The following SDHA variants were observed in gnomAD, a reference collection of about 807,000 sequenced individuals.
The protein encoded by SDHA is succinate dehydrogenase complex flavoprotein subunit A, also known as succinate dehydrogenase [ubiquinone] flavoprotein subunit, mitochondrial.
A neutral mutation model predicts 78.4 loss-of-function variants in SDHA; 48 were observed. The observed-to-expected ratio is 0.61, with a 90% CI of 0.49 to 0.78. The LOEUF (loss-of-function observed/expected upper bound fraction) is 0.78. Ranked by LOEUF, SDHA falls within the 30% of genes least tolerant of loss-of-function variation. SDHA has a pLI of 0.00. For missense variants in SDHA, 680 were observed against 892.7 expected (o/e 0.76, Z 3.04); for synonymous variants, 326 against 353.9 (o/e 0.92, Z 0.88).
At chr5:258,295 C>G (rs1356000737), downstream of SDHA, among the ~76,000 whole-genome samples, 1 of 125,662 alleles carries the variant, frequency 8.0e-6, no homozygotes, top group Non-Finnish European at 1.6e-5. Flanking sequence ...GAGCTCCGCC[C>G]CCTGCCAGAG....
At chr5:251,859 C>T (rs1223135025) in intron 13 of SDHA, 8 of 405,320 alleles carry the variant, frequency 2.0e-5, no homozygotes, top group East Asian at 7.2e-5. Context: ...AGTAAGCCAC[C>T]GTTTCAAACC....
chr5:255,095 A>G (rs1262827506), intron 14 of SDHA, among the ~76,000 whole-genome samples: 1 of 121,220 alleles, frequency 8.2e-6, no homozygotes, highest in Non-Finnish European at 1.6e-5. Context: ...CTTTTTCCAC[A>G]CACGGTGAGC....
intron 1 of SDHA, among the ~76,000 whole-genome samples, chr5:218,884 G>A (rs1734545573): frequency 6.6e-6 from 1 of 152,190 alleles, no homozygotes; most frequent in East Asian, 1.9e-4. Flanking sequence ...GCAGCCCGTG[G>A]GTGGGGCCGG....
At chr5:228,390 A>T (rs771874095) in intron 6 of SDHA, 57 bp downstream of exon 6, 1 of 1,536,150 alleles carries the variant, frequency 6.5e-7, no homozygotes, top group Non-Finnish European at 8.9e-7. Flanking sequence ...TTTCATTTAG[A>T]GTTTCTTTAT....
At position 235,357 on chromosome 5, in the gene SDHA, T is replaced by C. The variant is rs758272813; in HGVS notation, c.1260+18T>C. 6.2e-7 allele frequency: 1 copy of C among 1,613,248 alleles called. No individual in the cohort carries two copies. The highest frequency in any genetic ancestry group is 8.5e-7 in the Non-Finnish European group (1 of 1,179,260). Reference sequence around the variant, plus strand: ...AGGGGCAGGTGATGGTGCTGGCTCCTCCCCCACAGCTGGAAAGAAGGCTGG... The same window carrying C: ...AGGGGCAGGTGATGGTGCTGGCTCCCCCCCCACAGCTGGAAAGAAGGCTGG... On this transcript the variant is annotated intron_variant, in intron 9 of 14. Coordinates refer to ENST00000264932, the MANE Select transcript of SDHA (RefSeq NM_004168.4).
intron 1 of SDHA, among the ~76,000 whole-genome samples, chr5:222,915 G>A (rs1403999761): frequency 3.9e-5 from 6 of 152,198 alleles, no homozygotes; most frequent in African/African-American, 7.2e-5. Flanking sequence ...GTGTGCATCC[G>A]ACATCCTCCT....
chr5:225,292 G>A, intron 3 of SDHA, 127 bp from the exon 4 acceptor site: 1 of 1,213,788 alleles, frequency 8.2e-7, no homozygotes, highest in Non-Finnish European at 1.2e-6. Context: ...GCTGAGGTCA[G>A]CCCTCACTGG....
rs1278816212 is a variant in SDHA, at chr5:252,594, C to T, written c.1794+1126C>T. Among the ~76,000 whole-genome samples, 18 of 149,676 alleles carry T rather than the reference C, an allele frequency of 1.2e-4. 1 individual carries two copies. The highest frequency in any genetic ancestry group is 2.4e-4 in the Non-Finnish European group (16 of 67,762). ...TAACGAGTAAGTCACCGTTTTAAGC[C>T]TGTCCTGTGGAGGAAATGCCAGTTT... On this transcript the variant is annotated intron_variant, in intron 13 of 14. Transcript: ENST00000264932.
At chr5:250,785 T>C in intron 11 of SDHA, 1 of 579,728 alleles carries the variant, frequency 1.7e-6, no homozygotes, top group South Asian at 2.0e-5. Flanking sequence ...GTGTATGTAA[T>C]AGAAACATTT....
chr5:218,347 A>G lies in SDHA; in HGVS notation c.-9A>G, dbSNP rs771470290. ...GGACTGGCGGGACTGCGCGGCGGCA[A>G]CAGCAGACATGTCGGGGGTCCGGGG... On this transcript the variant is annotated 5_prime_UTR_variant, in exon 1 of 15. Transcript: ENST00000264932. 3.7e-5 allele frequency: 53 copies of G among 1,451,708 alleles called. No individual in the cohort carries two copies. The highest frequency in any genetic ancestry group is 8.8e-5 in the African/African-American group (6 of 68,090). 89.9% of individuals were successfully genotyped at this position (1,451,708 alleles called of 1,614,324 possible). A position where few individuals can be genotyped will look rare whatever the true frequency, so the allele number is the denominator to read the frequency against.
chr5:219,236 A>G (rs990495474), intron 1 of SDHA, among the ~76,000 whole-genome samples: 163 of 152,186 alleles, frequency 1.1e-3, no homozygotes, highest in African/African-American at 3.9e-3. Context: ...GGCTTAGTCC[A>G]GGATGGTGGT....
intron 10 of SDHA, among the ~76,000 whole-genome samples, 153 bp from the exon 11 acceptor site, chr5:240,205 T>C (rs1736052261): frequency 6.6e-6 from 1 of 152,244 alleles, no homozygotes; most frequent in African/African-American, 2.4e-5. Context: ...TGGCCTCAGC[T>C]GTAGGGTGGG....
At chr5:245,654 A>C (rs1315471112) in intron 11 of SDHA, among the ~76,000 whole-genome samples, 2 of 152,258 alleles carry the variant, frequency 1.3e-5, no homozygotes, top group African/African-American at 2.4e-5. Context: ...GCTCCTAACA[A>C]AATCCAGATT....
the SDHA span, among the ~76,000 whole-genome samples, chr5:268,599 G>T: frequency 6.6e-6 from 1 of 152,138 alleles, no homozygotes; most frequent in Admixed American, 6.5e-5. Flanking sequence ...TGCCTGCTTG[G>T]CTTTAGGCAA....
intron 13 of SDHA, among the ~76,000 whole-genome samples, chr5:253,637 A>G (rs930552713): frequency 1.3e-5 from 2 of 151,928 alleles, no homozygotes; most frequent in African/African-American, 4.8e-5. Flanking sequence ...GTTTCACCAT[A>G]TTGGCCGGGC....
intron 14 of SDHA, among the ~76,000 whole-genome samples, chr5:255,695 G>A (rs1403856581): frequency 6.6e-6 from 1 of 152,036 alleles, no homozygotes; most frequent in African/African-American, 2.4e-5. Flanking sequence ...CACCTGTCTT[G>A]GCCTCCCAAC....
At chr5:259,438 G>C (rs1366457045), downstream of SDHA, among the ~76,000 whole-genome samples, 16 of 46,348 alleles carry the variant, frequency 3.5e-4, no homozygotes, top group Non-Finnish European at 5.1e-4. Flanking sequence ...TCCGCCTCCC[G>C]ACAGAGCATT....
chr5:251,233 A>C (rs1736804815), intron 12 of SDHA, 105 bp from the exon 13 acceptor site: 3 of 1,504,024 alleles, frequency 2.0e-6, no homozygotes, highest in Non-Finnish European at 2.7e-6. Flanking sequence ...ACAGCTATAA[A>C]GCCACAACCA....
Position 256,714 on chromosome 5 carries a change from T to C in SDHA, c.*294T>C, listed in dbSNP as rs1561016910. The C allele has an allele frequency of 4.7e-6, 2 of 421,850 alleles. No individual in the cohort carries two copies. The highest frequency in any genetic ancestry group is 4.1e-5 in the Admixed American group (1 of 24,658). The allele number at this position is 421,850 out of a possible 1,614,324, so 26.1% of individuals were successfully genotyped here. A position where few individuals can be genotyped will look rare whatever the true frequency, so the allele number is the denominator to read the frequency against. On this transcript the variant is annotated 3_prime_UTR_variant, in exon 15 of 15. Coordinates refer to ENST00000264932, the MANE Select transcript of SDHA (RefSeq NM_004168.4). ...TTTATTTCCAAATCCATTTGAAATATTTTACTGTTGTGACTTTAGTCATAT... is the reference window on the plus strand; with the variant it reads ...TTTATTTCCAAATCCATTTGAAATACTTTACTGTTGTGACTTTAGTCATAT...
Sources: allele counts gnomAD v4.1 joint callset (sites outside exome capture counted in the v4.1 genomes callset), GRCh38; gene constraint gnomAD v4.1.1; transcripts MANE v1.5; gene names NCBI Gene and HGNC (gene_info 2026-07-23, HGNC 2026-07-21).